The following MUC13 variants were observed in gnomAD, a reference collection of about 807,000 sequenced individuals.
MUC13 encodes mucin 13, cell surface associated, also known as mucin-13.
A neutral mutation model predicts 48.3 loss-of-function variants in MUC13; 32 were observed. The ratio of observed to expected loss-of-function variants is 0.66; its 90% confidence interval spans 0.50 to 0.89. MUC13 has a LOEUF of 0.89. Among genes scored for constraint, MUC13 ranks in the 40% least tolerant of loss-of-function variants. The pLI is 0.00. For synonymous variants in MUC13, 199 were observed against 224.9 expected (o/e 0.88, Z 1.03); for missense variants, 571 against 622.8 (o/e 0.92, Z 0.88).
intron 1 of MUC13, among the ~76,000 whole-genome samples, chr3:124,928,470 C>T (rs543043438): frequency 3.9e-5 from 6 of 152,244 alleles, no homozygotes; most frequent in Middle Eastern, 3.4e-3. Context: ...CCTTGAGCTC[C>T]TAGGCTCAAG....
chr3:124,925,891 A>T (rs2107672751), intron 2 of MUC13, among the ~76,000 whole-genome samples: 1 of 152,338 alleles, frequency 6.6e-6, no homozygotes, highest in Non-Finnish European at 1.5e-5. Flanking sequence ...CTGGGATTAC[A>T]GGCGTGAGCC....
In MUC13 at chr3:124,913,174, C is replaced by T; in HGVS notation, c.1151G>A (p.Gly384Asp). Residue 384 changes from glycine to aspartate, a missense_variant, in exon 8 of 12, where the codon GGT becomes GAT. By Grantham distance (94) the Gly-to-Asp change is moderately conservative. Coordinates refer to ENST00000616727, the MANE Select transcript of MUC13 (RefSeq NM_033049.4). ...QHKQCLIKKS[G>D]GAPECACVPG... is the part of the protein sequence containing the mutation. ...CACGCACGCACACTCAGGGGCCCCA[C>T]CACTCTTCTTTATTAAGCATTGCTT... 6.2e-7 allele frequency: 1 copy of T among 1,614,132 alleles called. No homozygotes were observed. The highest frequency in any genetic ancestry group is 8.5e-7 in the Non-Finnish European group (1 of 1,180,014).
At chr3:124,934,440 G>C (rs1323381769) in intron 1 of MUC13, among the ~76,000 whole-genome samples, 2 of 152,266 alleles carry the variant, frequency 1.3e-5, no homozygotes, top group Admixed American at 6.5e-5. Flanking sequence ...GATTACAGGC[G>C]TGAGCCACCG....
At position 124,910,420 on chromosome 3, in the gene MUC13, T is replaced by A; in HGVS notation, c.1332A>T (p.Thr444=). 1 of 1,613,980 alleles carries A rather than the reference T, an allele frequency of 6.2e-7. No individual in the cohort carries two copies. The highest frequency in any genetic ancestry group is 8.5e-7 in the Non-Finnish European group (1 of 1,179,918). The part of the protein sequence containing the change: ...ILSMIIALIV[T]ARSNNKTKHI... ...AGGACACTTTCATCCCATACCTTGC[T>A]GTGACAATCAATGCAATTATCATGC... is the stretch of plus-strand genomic sequence containing the variant. The change falls in exon 10 of 12, where the codon ACA becomes ACT. Residue 444 remains threonine (T), a synonymous_variant. Coordinates refer to ENST00000616727, the MANE Select transcript of MUC13 (RefSeq NM_033049.4).
At chr3:124,933,108 C>G (rs1317532109) in intron 1 of MUC13, among the ~76,000 whole-genome samples, 3 of 152,156 alleles carry the variant, frequency 2.0e-5, no homozygotes, top group Non-Finnish European at 4.4e-5. Context: ...GAGCCCTCCC[C>G]TCCTGTGCAG....
chr3:124,920,147 G>T, intron 5 of MUC13, 87 bp downstream of exon 5: 3 of 1,088,970 alleles, frequency 2.8e-6, no homozygotes, highest in Non-Finnish European at 4.1e-6. Context: ...GCCACAGAGG[G>T]CCTTAATGTT....
chr3:124,913,777 C>T lies in MUC13; in HGVS notation c.965-96G>A, dbSNP rs150793990. 384 of 1,470,674 alleles carry T rather than the reference C, an allele frequency of 2.6e-4. 2 individuals are homozygous for T. In the African/African-American group the frequency reaches 4.5e-3, roughly 17 times the overall value. 91.1% of individuals were successfully genotyped at this position (1,470,674 alleles called of 1,614,324 possible). ...CCCACCCCATTGCTGTTATACTTTG[C>T]CTTTTAATAAGTTTTGGGGCCAAGT... On this transcript the variant is annotated intron_variant, in intron 6 of 11. Transcript: ENST00000616727.
chr3:124,932,125 T>C (rs1935809832), intron 1 of MUC13, among the ~76,000 whole-genome samples: 1 of 152,222 alleles, frequency 6.6e-6, no homozygotes, highest in Non-Finnish European at 1.5e-5. Flanking sequence ...AGTATTAATA[T>C]ATCTGGAGGT....
At chr3:124,911,560 A>C (rs974545978) in intron 9 of MUC13, among the ~76,000 whole-genome samples, 1 of 152,138 alleles carries the variant, frequency 6.6e-6, no homozygotes, top group South Asian at 2.1e-4. Context: ...TCATTATGTA[A>C]ATTTTAGAAT....
Position 124,925,008 on chromosome 3 carries a change from T to C in MUC13, c.515-1359A>G, listed in dbSNP as rs554824089. On this transcript the variant is annotated intron_variant, in intron 2 of 11. Coordinates refer to ENST00000616727, the MANE Select transcript of MUC13 (RefSeq NM_033049.4). The stretch of plus-strand genomic sequence containing the variant: ...TAACCAAAGGTGTGGAAAATTTATG[T>C]CCACACAAAAGCCTGCACATCCATG... 2.0e-5 allele frequency among the ~76,000 whole-genome samples: 3 copies of C among 152,294 alleles called. No homozygotes were observed. The South Asian group carries it at 6.2e-4, about 32-fold the overall frequency.
chr3:124,907,585 T>C (rs1935338011), intron 11 of MUC13, among the ~76,000 whole-genome samples: 1 of 151,866 alleles, frequency 6.6e-6, no homozygotes, highest in Non-Finnish European at 1.5e-5. Context: ...ACCACTGGAC[T>C]CAAGTCTGGG....
At position 124,927,646 on chromosome 3, in the gene MUC13, C is replaced by T; in HGVS notation, c.400G>A (p.Val134Ile). The T allele has an allele frequency of 6.2e-7, 1 of 1,614,112 alleles. No homozygotes were observed. Among genetic ancestry groups the T allele is most frequent in the African/African-American group, 1.3e-5 (1 of 75,030 alleles). Reference protein sequence around the residue: ...SSPNDGLITMVPSETQSNNEM... With the variant: ...SSPNDGLITMIPSETQSNNEM... Reference sequence around the variant, plus strand: ...TTGTTACTTTGTGTTTCAGAAGGAACCATTGTGATTAATCCATCATTTGGA... The same window carrying T: ...TTGTTACTTTGTGTTTCAGAAGGAATCATTGTGATTAATCCATCATTTGGA... Residue 134 changes from valine to isoleucine, a missense_variant, in exon 2 of 12, where the codon GTT (valine) becomes ATT (isoleucine). Coordinates refer to ENST00000616727, the MANE Select transcript of MUC13 (RefSeq NM_033049.4).
intron 3 of MUC13, among the ~76,000 whole-genome samples, chr3:124,922,638 G>T (rs1935618761): frequency 4.4e-4 from 2 of 4,510 alleles, no homozygotes; most frequent in African/African-American, 2.4e-3. Flanking sequence ...ATAGGGTCTT[G>T]CTCTATCACC....
chr3:124,928,214 C>T (rs1935730847), intron 1 of MUC13, among the ~76,000 whole-genome samples: 1 of 151,218 alleles, frequency 6.6e-6, no homozygotes, highest in Non-Finnish European at 1.5e-5. Context: ...CCATGCCCAG[C>T]CTCAACTCAT....
chr3:124,929,868 G>A (rs1313934910), intron 1 of MUC13, among the ~76,000 whole-genome samples: 1 of 152,186 alleles, frequency 6.6e-6, no homozygotes, highest in African/African-American at 2.4e-5. Flanking sequence ...TAATGAAAAA[G>A]CCAAGACCCC....
chr3:124,917,018 A>G (rs542229927), intron 5 of MUC13, among the ~76,000 whole-genome samples: 1 of 152,116 alleles, frequency 6.6e-6, no homozygotes, highest in Non-Finnish European at 1.5e-5. Flanking sequence ...GGGCCTGGAC[A>G]CACACGACCC....
rs1935853457 is a variant in MUC13, at chr3:124,934,726, G to T, written c.-14C>A. ...GATGGCTTTCATTTTAGCTGTTCTT[G>T]CTTGGTAATCTGAGGAGGAAATGAT... On this transcript the variant is annotated 5_prime_UTR_variant, in exon 1 of 12. Coordinates refer to ENST00000616727, the MANE Select transcript of MUC13 (RefSeq NM_033049.4). The T allele has an allele frequency of 6.2e-7, 1 of 1,604,158 alleles. No homozygotes were observed. The highest frequency in any genetic ancestry group is 8.5e-7 in the Non-Finnish European group (1 of 1,171,430).
At chr3:124,910,211 T>C (rs1935394423) in intron 10 of MUC13, among the ~76,000 whole-genome samples, 1 of 151,936 alleles carries the variant, frequency 6.6e-6, no homozygotes, top group African/African-American at 2.4e-5. Flanking sequence ...AACTAGAGAG[T>C]GTCATGCTGG....
At chr3:124,933,687 T>C (rs989316904) in intron 1 of MUC13, among the ~76,000 whole-genome samples, 1 of 152,240 alleles carries the variant, frequency 6.6e-6, no homozygotes, top group African/African-American at 2.4e-5. Context: ...AACCTCAAGA[T>C]GGTGTATAAG....
Sources: gnomAD v4.1 joint callset for allele counts (sites outside exome capture counted in the v4.1 genomes callset) on GRCh38, gnomAD v4.1.1 for gene constraint, MANE v1.5 for transcripts, NCBI Gene and HGNC (gene_info 2026-07-23, HGNC 2026-07-21) for gene names.